Variants in ERBB4 observed in about 807,000 individuals in gnomAD.
ERBB4 encodes receptor tyrosine-protein kinase erbB-4.
Under a neutral mutation model 158.0 loss-of-function variants are expected in ERBB4, and 42 were observed. The observed-to-expected ratio is 0.27, with a 90% confidence interval of 0.21 to 0.34. The LOEUF is 0.34. ERBB4 is among the 10% of genes least tolerant of loss of function. ERBB4 has a pLI of 1.00. For synonymous variants in ERBB4, 583 were observed against 558.7 expected (o/e 1.04, Z -0.61); for missense variants, 1,333 against 1,624.1 (o/e 0.82, Z 3.08).
At chr2:212,262,399 T>C (rs1199499588) in intron 1 of ERBB4, among the ~76,000 whole-genome samples, 1 of 152,202 alleles carries the variant, frequency 6.6e-6, no homozygotes, top group Non-Finnish European at 1.5e-5. Context: ...GGCATCATTG[T>C]GCATATGAGT....
chr2:212,044,270 C>T (rs2077206376), intron 2 of ERBB4, among the ~76,000 whole-genome samples: 1 of 152,100 alleles, frequency 6.6e-6, no homozygotes, highest in South Asian at 2.1e-4. Flanking sequence ...AAAAGTTACA[C>T]TCGAAAAATA....
chr2:212,340,651 A>G (rs4673662), intron 1 of ERBB4, among the ~76,000 whole-genome samples: 94,908 of 151,948 alleles, frequency 0.62, 30,880 homozygotes, highest in East Asian at 0.8. Flanking sequence ...CAGTCTCACT[A>G]TGTTGTCCAG....
At position 211,772,857 on chromosome 2, in the gene ERBB4, A is replaced by G. The variant is rs1201636318; in HGVS notation, c.556+15168T>C. 1.6e-4 allele frequency among the ~76,000 whole-genome samples: 15 copies of G among 93,078 alleles called. 1 individual carries two copies. The East Asian group carries it at 3.9e-3, about 24-fold the overall frequency. The allele number at this position is 93,078 out of a possible 152,430, so 61.1% of individuals were successfully genotyped here. ...TATACACATATATATATATATATATATATATATATATACACATATATATAT... is the reference window on the plus strand; with the variant it reads ...TATACACATATATATATATATATATGTATATATATATACACATATATATAT... On this transcript the variant is annotated intron_variant, in intron 4 of 27. Coordinates refer to ENST00000342788, the MANE Select transcript of ERBB4 (RefSeq NM_005235.3).
intron 1 of ERBB4, among the ~76,000 whole-genome samples, chr2:212,272,482 T>A (rs1440196858): frequency 6.6e-6 from 1 of 151,356 alleles, no homozygotes; most frequent in African/African-American, 2.4e-5. Flanking sequence ...GAGAAGGGGG[T>A]TCCCCATGCT....
intron 20 of ERBB4, among the ~76,000 whole-genome samples, chr2:211,557,339 A>C (rs2067262269): frequency 6.6e-6 from 1 of 152,146 alleles, no homozygotes; most frequent in African/African-American, 2.4e-5. Context: ...ACTTACAGAA[A>C]GGGAGAAAAT....
chr2:211,767,235 C>G (rs576206408), intron 4 of ERBB4, among the ~76,000 whole-genome samples: 2 of 152,216 alleles, frequency 1.3e-5, no homozygotes, highest in East Asian at 1.9e-4. Flanking sequence ...CCACTGGTAA[C>G]AGAACACTTA....
intron 4 of ERBB4, among the ~76,000 whole-genome samples, chr2:211,760,674 T>C (rs2075386659): frequency 6.6e-6 from 1 of 152,140 alleles, no homozygotes; most frequent in Non-Finnish European, 1.5e-5. Context: ...AGTTAACTTA[T>C]TTCACTTTGT....
At chr2:212,457,460 C>G (rs536255618) in intron 1 of ERBB4, among the ~76,000 whole-genome samples, 1 of 152,108 alleles carries the variant, frequency 6.6e-6, no homozygotes, top group Admixed American at 6.5e-5. Context: ...AGTATCCTCT[C>G]AGAAATGGAT....
intron 1 of ERBB4, among the ~76,000 whole-genome samples, chr2:212,274,379 A>T (rs906225168): frequency 7.2e-5 from 11 of 151,814 alleles, no homozygotes; most frequent in African/African-American, 2.4e-4. Flanking sequence ...AATACAGGAG[A>T]ACTGTGACAG....
intron 1 of ERBB4, among the ~76,000 whole-genome samples, chr2:212,387,924 G>A (rs1334564334): frequency 6.6e-6 from 1 of 152,060 alleles, no homozygotes; most frequent in Non-Finnish European, 1.5e-5. Context: ...AATTAACTAG[G>A]TGTGTATAGA....
chr2:211,496,287 C>T (rs2065466998), intron 20 of ERBB4, among the ~76,000 whole-genome samples: 1 of 151,894 alleles, frequency 6.6e-6, no homozygotes, highest in Non-Finnish European at 1.5e-5. Flanking sequence ...TGTGTAGTTC[C>T]TGTTGAACCA....
intron 20 of ERBB4, among the ~76,000 whole-genome samples, chr2:211,460,435 G>C (rs1045369467): frequency 2.6e-5 from 4 of 152,018 alleles, no homozygotes; most frequent in Non-Finnish European, 5.9e-5. Flanking sequence ...TGCATTACTA[G>C]AGCATTAATT....
At chr2:212,537,872 C>T (rs1693185587) in intron 1 of ERBB4, among the ~76,000 whole-genome samples, 1 of 152,168 alleles carries the variant, frequency 6.6e-6, no homozygotes, top group Admixed American at 6.5e-5. Flanking sequence ...GCGCGCCCGC[C>T]TGCTGCACTC....
intron 1 of ERBB4, among the ~76,000 whole-genome samples, chr2:212,384,675 G>A (rs1309407231): frequency 6.6e-6 from 1 of 151,328 alleles, no homozygotes; most frequent in Non-Finnish European, 1.5e-5. Flanking sequence ...GCACAAAATG[G>A]CAATAATTTA....
chr2:211,697,971 A>T (rs1257853095), intron 12 of ERBB4, among the ~76,000 whole-genome samples: 2 of 152,204 alleles, frequency 1.3e-5, no homozygotes, highest in East Asian at 3.8e-4. Flanking sequence ...AATAATTTAA[A>T]ATACAATTAA....
intron 20 of ERBB4, among the ~76,000 whole-genome samples, chr2:211,549,561 A>T (rs1486303301): frequency 6.6e-6 from 1 of 152,054 alleles, no homozygotes; most frequent in Non-Finnish European, 1.5e-5. Flanking sequence ...CGGGTACAAG[A>T]GTTATGTGGC....
At chr2:211,914,049 C>CA (rs74891191) in intron 3 of ERBB4, among the ~76,000 whole-genome samples, 2,373 of 93,254 alleles carry the variant, frequency 0.025, 50 homozygotes, top group African/African-American at 0.058. Flanking sequence ...CTTGGAATGA[C>CA]AAAAAAAAAA....
chr2:212,030,526 G>A (rs2076879024), intron 2 of ERBB4, among the ~76,000 whole-genome samples: 1 of 152,084 alleles, frequency 6.6e-6, no homozygotes, highest in South Asian at 2.1e-4. Flanking sequence ...AAAGATTCAA[G>A]CACAAATCAA....
At chr2:211,605,234 A>G (rs1455667259) in intron 19 of ERBB4, among the ~76,000 whole-genome samples, 3 of 152,182 alleles carry the variant, frequency 2.0e-5, no homozygotes, top group African/African-American at 7.2e-5. Flanking sequence ...GAAATGGGCA[A>G]TGGTGCCTAA....
Sources: allele counts gnomAD v4.1 joint callset (sites outside exome capture counted in the v4.1 genomes callset), GRCh38; gene constraint gnomAD v4.1.1; transcripts MANE v1.5; gene names NCBI Gene and HGNC (gene_info 2026-07-23, HGNC 2026-07-21).